Variants in WIPF2 observed in about 807,000 individuals in gnomAD.
WIPF2 encodes the protein WAS/WASL interacting protein family member 2, also known as WAS/WASL-interacting protein family member 2.
WIPF2 carries 23 observed loss-of-function variants against 38.8 expected under a neutral mutation model. That is an observed-to-expected ratio of 0.59 (90% CI 0.43 to 0.84). WIPF2 has a LOEUF of 0.84. Among genes scored for constraint, WIPF2 ranks in the 40% least tolerant of loss-of-function variants. WIPF2 has a pLI of 0.00. For synonymous variants in WIPF2, 210 were observed against 223.2 expected, an observed-to-expected ratio of 0.94 and a Z score of 0.53; for missense variants, 574 against 580.5, an observed-to-expected ratio of 0.99 and a Z score of 0.11.
chr17:40,263,915 C>T (rs2031993775), intron 4 of WIPF2, among the ~76,000 whole-genome samples: 1 of 151,996 alleles, frequency 6.6e-6, no homozygotes. Context: ...TTGATTTAAT[C>T]ATTCCACAAC....
At chr17:40,245,771 A>G (rs190731910) in intron 1 of WIPF2, among the ~76,000 whole-genome samples, 3 of 152,248 alleles carry the variant, frequency 2.0e-5, no homozygotes, top group Admixed American at 6.5e-5. Context: ...TGTCAATGAC[A>G]TTGTCAATGA....
intron 1 of WIPF2, among the ~76,000 whole-genome samples, chr17:40,236,834 C>G (rs940297347): frequency 6.6e-6 from 1 of 151,864 alleles, no homozygotes; most frequent in African/African-American, 2.4e-5. Context: ...GTCTTGAACT[C>G]CTGATCTCAT....
chr17:40,282,944 T>G lies in WIPF2; in HGVS notation c.*4719T>G, dbSNP rs1411672745. 1 of 151,992 alleles carries G rather than the reference T, an allele frequency of 6.6e-6. No individual in the cohort carries two copies. The highest frequency in any genetic ancestry group is 2.4e-5 in the African/African-American group (1 of 41,380). 9.4% of individuals were successfully genotyped at this position (151,992 alleles called of 1,614,324 possible). On this transcript the variant is annotated 3_prime_UTR_variant, in exon 8 of 8. Coordinates refer to ENST00000323571, the MANE Select transcript of WIPF2 (RefSeq NM_133264.5). ...GCTCATGTCTGTAATCCCAGCACTT[T>G]GGGAGGCCAAGGCGGGTGGATCATT...
chr17:40,232,179 A>ATTTTTTT lies in WIPF2; in HGVS notation c.-70+12709_-70+12715dup, dbSNP rs752876006. ...AGGCACATGCCACCATGCCTGGCTAATTTTTTTTTTTTTTTTTTTTTTTTT... is the reference window on the plus strand; with the variant it reads ...AGGCACATGCCACCATGCCTGGCTAATTTTTTTTTTTTTTTTTTTTTTTTTTTTTTTT... On this transcript the variant is annotated intron_variant, in intron 1 of 7. Coordinates refer to ENST00000323571, the MANE Select transcript of WIPF2 (RefSeq NM_133264.5). 8.7e-4 allele frequency among the ~76,000 whole-genome samples: 66 copies of ATTTTTTT among 76,050 alleles called. 3 individuals are homozygous for ATTTTTTT. Among genetic ancestry groups the ATTTTTTT allele is most frequent in the African/African-American group, 1.3e-3 (19 of 14,506 alleles). The allele number at this position is 76,050 out of a possible 152,430, so 49.9% of individuals were successfully genotyped here.
intron 1 of WIPF2, among the ~76,000 whole-genome samples, chr17:40,223,634 C>T (rs2030349131): frequency 7.7e-6 from 1 of 130,284 alleles, no homozygotes; most frequent in African/African-American, 2.9e-5. Context: ...GAGTCTCGCT[C>T]AGTTGCCCAG....
At chr17:40,250,217 A>ATTTTTTTTTTTTTTTTTTT (rs1567716394) in intron 1 of WIPF2, among the ~76,000 whole-genome samples, 2 of 80,274 alleles carry the variant, frequency 2.5e-5, no homozygotes, top group African/African-American at 5.0e-5. Flanking sequence ...GAATTTTATC[A>ATTTTTTTTTTTTTTTTTTT]TGTTTTTTTT....
At chr17:40,245,736 C>A (rs968756869) in intron 1 of WIPF2, among the ~76,000 whole-genome samples, 1 of 152,114 alleles carries the variant, frequency 6.6e-6, no homozygotes, top group African/African-American at 2.4e-5. Context: ...GCCAGCAGCA[C>A]TCCCTACCCT....
chr17:40,249,835 A>AT lies in WIPF2; in HGVS notation c.-69-6541dup, dbSNP rs992890036. Among the ~76,000 whole-genome samples, 489 of 142,708 alleles carry AT rather than the reference A, an allele frequency of 3.4e-3. 1 individual carries two copies. The highest frequency in any genetic ancestry group is 0.013 in the East Asian group (61 of 4,868). 93.6% of individuals were successfully genotyped at this position (142,708 alleles called of 152,430 possible). On this transcript the variant is annotated intron_variant, in intron 1 of 7. Transcript: ENST00000323571. ...CTGTGATGAATTTGACATCAGGAAGATTTTTTTTTTTTTTTGAGATGGAGT... is the reference window on the plus strand; with the variant it reads ...CTGTGATGAATTTGACATCAGGAAGATTTTTTTTTTTTTTTTGAGATGGAGT...
At chr17:40,250,765 C>T (rs1567716652) in intron 1 of WIPF2, among the ~76,000 whole-genome samples, 1 of 151,834 alleles carries the variant, frequency 6.6e-6, no homozygotes. Context: ...CAGGTTTAAC[C>T]TCAAGACCAT....
At position 40,281,068 on chromosome 17, in the gene WIPF2, C is replaced by T. The variant is rs534185234; in HGVS notation, c.*2843C>T. The T allele has an allele frequency of 1.4e-4, 22 of 152,630 alleles. No individual in the cohort carries two copies. Among genetic ancestry groups the T allele is most frequent in the African/African-American group, 5.3e-4 (22 of 41,538 alleles). The allele number at this position is 152,630 out of a possible 1,614,324, so 9.5% of individuals were successfully genotyped here. On this transcript the variant is annotated 3_prime_UTR_variant, in exon 8 of 8. Transcript: ENST00000323571. ...GTTTAAGGTGGGCTGGCTACAAGAG[C>T]ACTAAAACTCCTCACCTTTTAAACT... is the stretch of plus-strand genomic sequence containing the variant.
chr17:40,235,294 G>A (rs186854335), intron 1 of WIPF2, among the ~76,000 whole-genome samples: 1 of 152,286 alleles, frequency 6.6e-6, no homozygotes, highest in African/African-American at 2.4e-5. Context: ...GAATCCAGAA[G>A]GAAGTAGAAG....
At chr17:40,250,219 GTTTTTTTTT>G (rs1170849046) in intron 1 of WIPF2, among the ~76,000 whole-genome samples, 177 of 62,524 alleles carry the variant, frequency 2.8e-3, no homozygotes, top group African/African-American at 0.011. Flanking sequence ...ATTTTATCAT[GTTTTTTTTT>G]TTTTTTTTTT....
chr17:40,271,570 T>TAAA (rs1331636418), intron 5 of WIPF2, among the ~76,000 whole-genome samples: 9 of 151,930 alleles, frequency 5.9e-5, no homozygotes, highest in African/African-American at 2.2e-4. Context: ...CACTGGATTG[T>TAAA]AAATCTGGTT....
intron 1 of WIPF2, among the ~76,000 whole-genome samples, chr17:40,242,791 T>C (rs530588631): frequency 6.6e-6 from 1 of 152,344 alleles, no homozygotes; most frequent in East Asian, 1.9e-4. Context: ...GGCTGTGTTA[T>C]AAGGCATGAC....
At chr17:40,272,620 C>T (rs2032282746) in intron 5 of WIPF2, among the ~76,000 whole-genome samples, 1 of 152,048 alleles carries the variant, frequency 6.6e-6, no homozygotes, top group African/African-American at 2.4e-5. Context: ...TTGGGAAAGC[C>T]TTGAGAAGAT....
intron 1 of WIPF2, among the ~76,000 whole-genome samples, chr17:40,238,622 TA>T (rs1438287758): frequency 2.0e-5 from 3 of 151,814 alleles, no homozygotes; most frequent in African/African-American, 2.4e-5. Context: ...TATTTATTAT[TA>T]TTTTTTTGAG....
chr17:40,262,528 C>G lies in WIPF2; in HGVS notation c.200C>G (p.Pro67Arg), dbSNP rs139822756. Residue 67 changes from proline to arginine, a missense_variant, in exon 4 of 8, where the codon CCG becomes CGG. Coordinates refer to ENST00000323571, the MANE Select transcript of WIPF2 (RefSeq NM_133264.5). Reference sequence around the variant, plus strand: ...ACCCTACTGGTATGCTTTCCAGAGCCGAAAGGAAGCAGTGGTGGCTATGGC... The same window carrying G: ...ACCCTACTGGTATGCTTTCCAGAGCGGAAAGGAAGCAGTGGTGGCTATGGC... The part of the protein sequence containing the change: ...NDRSAPILEK[P>R]KGSSGGYGSG... 2 of 1,613,360 alleles carry G rather than the reference C, an allele frequency of 1.2e-6. No individual in the cohort carries two copies. Among genetic ancestry groups the G allele is most frequent in the African/African-American group, 2.7e-5 (2 of 74,896 alleles).
intron 6 of WIPF2, 24 bp downstream of exon 6, chr17:40,274,023 C>A (rs747368730): frequency 6.6e-6 from 10 of 1,506,982 alleles, no homozygotes; most frequent in Non-Finnish European, 8.9e-6. Context: ...TATCTGTAGT[C>A]TCATGGTTCC....
At chr17:40,227,975 A>G (rs1166690018) in intron 1 of WIPF2, among the ~76,000 whole-genome samples, 3 of 131,980 alleles carry the variant, frequency 2.3e-5, no homozygotes, top group African/African-American at 8.7e-5. Context: ...TGTTAATACT[A>G]TCTGTATCTT....
Sources: gnomAD v4.1 joint callset for allele counts (sites outside exome capture counted in the v4.1 genomes callset) on GRCh38, gnomAD v4.1.1 for gene constraint, MANE v1.5 for transcripts, NCBI Gene and HGNC (gene_info 2026-07-23, HGNC 2026-07-21) for gene names.